PHEX: variants seen among roughly 807,000 people sequenced by gnomAD.
The protein encoded by PHEX is phosphate regulating endopeptidase X-linked.
A neutral mutation model predicts 68.0 loss-of-function variants in PHEX; 16 were observed. The ratio of observed to expected loss-of-function variants is 0.24; its 90% CI spans 0.16 to 0.36. PHEX has a LOEUF of 0.36. PHEX is among the 10% of genes least tolerant of loss of function. The pLI is 1.00. For synonymous variants in PHEX, 208 were observed against 205.1 expected (o/e 1.01, Z -0.12); for missense variants, 480 against 575.5 (o/e 0.83, Z 1.70).
chrX:22,128,851 AC>A (rs753972924), intron 11 of PHEX, among the ~76,000 whole-genome samples: 12 of 89,263 alleles, frequency 1.3e-4, no homozygotes, highest in Admixed American at 5.1e-4. Flanking sequence ...ACTTTCCAAG[AC>A]CCCCCCCAAC....
chrX:22,166,869 G>A (rs1933342636), intron 12 of PHEX, among the ~76,000 whole-genome samples: 1 of 111,912 alleles, frequency 8.9e-6, no homozygotes, highest in Non-Finnish European at 1.9e-5. Flanking sequence ...AGATCATGCA[G>A]TATTTGCCTT....
chrX:22,221,712 G>A lies in PHEX; in HGVS notation c.1868G>A (p.Ser623Asn), dbSNP rs943678568. ...ACAAAATGCATGATTAACCAGTATA[G>A]CAACTATTATTGGAAGAAAGCTGGC... ...EKTKCMINQY[S>N]NYYWKKAGLN... The change falls in exon 18 of 22, where the codon AGC (serine) becomes AAC (asparagine). Residue 623 changes from serine (S) to asparagine (N), a missense_variant. Coordinates refer to ENST00000379374, the MANE Select transcript of PHEX (RefSeq NM_000444.6). 6.6e-6 allele frequency: 8 copies of A among 1,204,986 alleles called. No homozygotes were observed. Among genetic ancestry groups the A allele is most frequent in the Non-Finnish European group, 9.0e-6 (8 of 890,200 alleles).
Position 22,247,866 on chromosome X carries a change from T to C in PHEX, c.2163T>C (p.Ile721=), listed in dbSNP as rs372307955. 2.5e-6 allele frequency: 3 copies of C among 1,202,646 alleles called. No homozygotes were observed. The highest frequency in any genetic ancestry group is 1.8e-5 in the South Asian group (1 of 56,771). Residue 721 remains isoleucine, a synonymous_variant, in exon 22 of 22, where the codon ATT becomes ATC. Transcript: ENST00000379374. ...SPPQFRVNGA[I]SNFEEFQKAF... is the part of the protein sequence containing the mutation. ...CGTTTTTCAGGGTCAATGGTGCAAT[T>C]AGTAACTTTGAAGAATTCCAGAAAG...
intron 15 of PHEX, among the ~76,000 whole-genome samples, chrX:22,199,544 C>T (rs1039252866): frequency 3.6e-5 from 4 of 111,473 alleles, no homozygotes; most frequent in African/African-American, 1.3e-4. Flanking sequence ...TCTGTGCCAC[C>T]TGGGACGTGA....
intron 5 of PHEX, among the ~76,000 whole-genome samples, chrX:22,085,608 G>A (rs1238098633): frequency 9.1e-6 from 1 of 109,621 alleles, no homozygotes; most frequent in African/African-American, 3.3e-5. Flanking sequence ...ATGTGTTTGT[G>A]TATTTTCCAA....
At chrX:22,192,135 A>G (rs1042347276) in intron 15 of PHEX, among the ~76,000 whole-genome samples, 2 of 105,307 alleles carry the variant, frequency 1.9e-5, no homozygotes, top group Admixed American at 1.0e-4. Flanking sequence ...CTCATCTCCC[A>G]TATCTCTTAA....
At chrX:22,094,140 T>TTTTCTTTTCCTTTAC in intron 7 of PHEX, 41 bp downstream of exon 7, 1 of 778,201 alleles carries the variant, frequency 1.3e-6, no homozygotes. Flanking sequence ...CTTTACTTTC[T>TTTTCTTTTCCTTTAC]TTTCTTTTCC....
At chrX:22,212,247 C>T (rs981957720) in intron 15 of PHEX, among the ~76,000 whole-genome samples, 1 of 111,295 alleles carries the variant, frequency 9.0e-6, no homozygotes, top group Middle Eastern at 4.6e-3. Context: ...AGAGCTTACT[C>T]AGTTCTAGAT....
At chrX:22,050,733 T>C (rs187458127) in intron 3 of PHEX, among the ~76,000 whole-genome samples, 73 of 111,460 alleles carry the variant, frequency 6.5e-4, no homozygotes, top group Non-Finnish European at 1.3e-3. Flanking sequence ...CTTTTTTGTG[T>C]TCTGTTGTTC....
At chrX:22,218,517 C>G (rs5951728) in intron 16 of PHEX, among the ~76,000 whole-genome samples, 1,323 of 112,000 alleles carry the variant, frequency 0.012, 20 homozygotes, top group African/African-American at 0.04. Flanking sequence ...GAAAGAGGAA[C>G]GTGACTACCT....
chrX:22,062,128 C>T (rs1419331045), intron 3 of PHEX, among the ~76,000 whole-genome samples: 7 of 111,406 alleles, frequency 6.3e-5, no homozygotes, highest in African/African-American at 2.0e-4. Context: ...TGACGTTCTT[C>T]CCTCAACACG....
chrX:22,185,564 A>C (rs1258328653), intron 14 of PHEX, among the ~76,000 whole-genome samples: 1 of 111,598 alleles, frequency 9.0e-6, no homozygotes, highest in Non-Finnish European at 1.9e-5. Context: ...TGGGCAAGCA[A>C]AACAGTTTTC....
At chrX:22,059,352 C>A (rs142673874) in intron 3 of PHEX, among the ~76,000 whole-genome samples, 1 of 112,274 alleles carries the variant, frequency 8.9e-6, no homozygotes, top group Non-Finnish European at 1.9e-5. Flanking sequence ...TATTTTTCTA[C>A]CTTATTGCAG....
At chrX:22,209,735 G>GCTCCCTCTC (rs1569427968) in intron 15 of PHEX, among the ~76,000 whole-genome samples, 5 of 51,408 alleles carry the variant, frequency 9.7e-5, no homozygotes, top group Non-Finnish European at 1.6e-4. Context: ...TGCTCCCTCT[G>GCTCCCTCTC]CTCCCTCTGC....
At chrX:22,137,419 C>T (rs1328788565) in intron 12 of PHEX, among the ~76,000 whole-genome samples, 2 of 111,453 alleles carry the variant, frequency 1.8e-5, no homozygotes, top group Non-Finnish European at 3.8e-5. Flanking sequence ...GCAGAGAAGT[C>T]GGCTGAATGG....
intron 15 of PHEX, among the ~76,000 whole-genome samples, chrX:22,194,297 T>C (rs1934294969): frequency 4.5e-5 from 5 of 112,255 alleles, no homozygotes; most frequent in Admixed American, 9.4e-5. Context: ...CCAGGCAAGA[T>C]GACAAGGAAT....
At chrX:22,211,117 T>A (rs1934907575) in intron 15 of PHEX, among the ~76,000 whole-genome samples, 2 of 111,934 alleles carry the variant, frequency 1.8e-5, no homozygotes, top group Admixed American at 1.9e-4. Flanking sequence ...GACTTGTAAG[T>A]ACAGTTCCTA....
intron 12 of PHEX, among the ~76,000 whole-genome samples, chrX:22,143,304 C>A (rs971064324): frequency 1.8e-5 from 2 of 112,141 alleles, no homozygotes; most frequent in Admixed American, 9.5e-5. Context: ...GTTACCAACA[C>A]ATAGAAATAA....
At chrX:22,180,783 CCTCATTCTA>C (rs201040961) in intron 14 of PHEX, among the ~76,000 whole-genome samples, 7,827 of 111,498 alleles carry the variant, frequency 0.07, 244 homozygotes, top group African/African-American at 0.12. Context: ...CCCTTCTCAG[CCTCATTCTA>C]CTCTCTATCT....
Sources: allele counts gnomAD v4.1 joint callset (sites outside exome capture counted in the v4.1 genomes callset), GRCh38; gene constraint gnomAD v4.1.1; transcripts MANE v1.5; gene names NCBI Gene and HGNC (gene_info 2026-07-23, HGNC 2026-07-21).